DLC1: variants seen among roughly 807,000 people sequenced by gnomAD.
DLC1 encodes the protein rho GTPase-activating protein 7.
DLC1 carries 54 observed loss-of-function variants against 140.3 expected under a neutral mutation model. The observed-to-expected ratio is 0.38, with a 90% CI of 0.31 to 0.48. DLC1 has a LOEUF of 0.48. DLC1 is among the 20% of genes least tolerant of loss of function. The probability of loss-of-function intolerance (pLI) is 0.96; values close to 1 mark genes in which losing one functional copy is unlikely to be tolerated. For missense variants in DLC1, 2,536 were observed against 1,907.0 expected, an observed-to-expected ratio of 1.33 and a Z score of -6.14; for synonymous variants, 986 against 728.1, an observed-to-expected ratio of 1.35 and a Z score of -5.70.
intron 1 of DLC1, among the ~76,000 whole-genome samples, chr8:13,508,594 A>G (rs890786548): frequency 7.9e-5 from 12 of 151,616 alleles, no homozygotes; most frequent in African/African-American, 2.7e-4. Flanking sequence ...ATTTTTTTGT[A>G]TTTTTAGTAG....
At chr8:13,541,741 G>C (rs1300243732) in intron 1 of DLC1, among the ~76,000 whole-genome samples, 1 of 152,086 alleles carries the variant, frequency 6.6e-6, no homozygotes, top group African/African-American at 2.4e-5. Context: ...AGTAGAGATG[G>C]GGTTTCACCG....
chr8:13,517,246 T>C (rs973153669), upstream of DLC1, among the ~76,000 whole-genome samples: 2 of 152,176 alleles, frequency 1.3e-5, no homozygotes, highest in Admixed American at 1.3e-4. Flanking sequence ...ATCAGCATCA[T>C]GCTAATTCTT....
At chr8:13,548,888 G>A (rs1463617481) in intron 1 of DLC1, among the ~76,000 whole-genome samples, 4 of 151,974 alleles carry the variant, frequency 2.6e-5, no homozygotes, top group African/African-American at 9.7e-5. Flanking sequence ...ACTGCTCTGG[G>A]CTCCAGAAAA....
chr8:13,213,667 T>G (rs1376417505), intron 5 of DLC1, among the ~76,000 whole-genome samples: 1 of 152,234 alleles, frequency 6.6e-6, no homozygotes, highest in Non-Finnish European at 1.5e-5. Context: ...TCTCATCTTT[T>G]ATGTATCTTA....
At chr8:13,313,185 C>T (rs1240024176) in intron 4 of DLC1, among the ~76,000 whole-genome samples, 1 of 152,124 alleles carries the variant, frequency 6.6e-6, no homozygotes, top group African/African-American at 2.4e-5. Context: ...TCCTAGTATG[C>T]TCATTCTGTA....
At position 13,100,657 on chromosome 8, in the gene DLC1, T is replaced by C; in HGVS notation, c.1680A>G (p.Gln560=). Residue 560 remains glutamine, a synonymous_variant, in exon 9 of 18, where the codon CAA becomes CAG. Coordinates refer to ENST00000276297, the MANE Select transcript of DLC1 (RefSeq NM_182643.3). ...CGTCTGGGGACCCAGGGACCAGGTCTTGTTTTGGAGAAAAGACATCAAACT... is the reference window on the plus strand; with the variant it reads ...CGTCTGGGGACCCAGGGACCAGGTCCTGTTTTGGAGAAAAGACATCAAACT... The part of the protein sequence containing the change: ...LEEFDVFSPK[Q]DLVPGSPDDS... 3.7e-6 allele frequency: 6 copies of C among 1,614,162 alleles called. No individual in the cohort carries two copies. Among genetic ancestry groups the C allele is most frequent in the Non-Finnish European group, 4.2e-6 (5 of 1,180,024 alleles).
chr8:13,222,585 C>T (rs1383690812), intron 5 of DLC1, among the ~76,000 whole-genome samples: 1 of 152,178 alleles, frequency 6.6e-6, no homozygotes, highest in Non-Finnish European at 1.5e-5. Flanking sequence ...TAAGCATGAC[C>T]TGGTGATTCC....
At position 13,091,371 on chromosome 8, in the gene DLC1, C is replaced by T. The variant is rs775333892; in HGVS notation, c.3802G>A (p.Ala1268Thr). The T allele has an allele frequency of 4.3e-6, 7 of 1,614,088 alleles. No homozygotes were observed. In the Admixed American group the frequency reaches 1.0e-4, roughly 23 times the overall value. The change falls in exon 14 of 18, where the codon GCT becomes ACT. Residue 1268 changes from alanine (A) to threonine (T), a missense_variant. Transcript: ENST00000276297. The part of the protein sequence containing the change: ...PDQKDLNENL[A>T]ATQGLAHMIA... ...ATATGGGCCAGCCCTTGAGTGGCAG[C>T]TAGGTTTTCATTCAAATCTTTCTGA...
chr8:13,483,207 G>A (rs1800817283), intron 2 of DLC1, among the ~76,000 whole-genome samples: 1 of 152,132 alleles, frequency 6.6e-6, no homozygotes, highest in Admixed American at 6.5e-5. Flanking sequence ...TCTCTTGTAA[G>A]GACGCTTGTC....
intron 5 of DLC1, among the ~76,000 whole-genome samples, chr8:13,137,450 G>T (rs1867078): frequency 0.047 from 5,270 of 111,130 alleles, 218 homozygotes; most frequent in African/African-American, 0.14. Flanking sequence ...ACATCAAAAT[G>T]AAAACCTATC....
chr8:13,376,443 C>T (rs1835991000), intron 4 of DLC1, among the ~76,000 whole-genome samples: 1 of 152,142 alleles, frequency 6.6e-6, no homozygotes, highest in South Asian at 2.1e-4. Context: ...CCCGGAATCC[C>T]ACCCATCTAT....
chr8:13,115,487 A>G, intron 6 of DLC1, 99 bp downstream of exon 6: 1 of 1,143,612 alleles, frequency 8.7e-7, no homozygotes, highest in African/African-American at 1.6e-5. Flanking sequence ...TAAAACATTT[A>G]AACGATAAAA....
rs200082297 is a variant in DLC1 at position 13,551,074 on chromosome 8, A to T, written c.-125-50878T>A. Among the ~76,000 whole-genome samples, 7 of 10,752 alleles carry T rather than the reference A, an allele frequency of 6.5e-4. No homozygotes were observed. The East Asian group carries it at 0.037, about 56-fold the overall frequency. 7.1% of individuals were successfully genotyped at this position (10,752 alleles called of 152,430 possible). On this transcript the variant is annotated intron_variant, in intron 1 of 1. Transcript: ENST00000631382. ...CACACACACACACACACACACACAC[A>T]CTTTTTTTTTTTTTCCAAAGAACAC...
chr8:13,234,258 T>C (rs1383358941), intron 5 of DLC1, among the ~76,000 whole-genome samples: 1 of 152,170 alleles, frequency 6.6e-6, no homozygotes, highest in Admixed American at 6.5e-5. Flanking sequence ...CTTTGGATCA[T>C]GCTGTAGTTA....
intron 4 of DLC1, among the ~76,000 whole-genome samples, chr8:13,331,057 C>G (rs1833565818): frequency 6.6e-6 from 1 of 152,186 alleles, no homozygotes; most frequent in Admixed American, 6.5e-5. Flanking sequence ...TCACTACCTT[C>G]TTTATGATTC....
chr8:13,576,111 C>T (rs917998165), intron 1 of DLC1, among the ~76,000 whole-genome samples: 1 of 152,202 alleles, frequency 6.6e-6, no homozygotes, highest in African/African-American at 2.4e-5. Context: ...AGATCACACT[C>T]TTTATCAGAA....
At chr8:13,463,997 C>G (rs891238368) in intron 2 of DLC1, among the ~76,000 whole-genome samples, 1 of 152,118 alleles carries the variant, frequency 6.6e-6, no homozygotes, top group Admixed American at 6.5e-5. Flanking sequence ...AATTTGAGCA[C>G]AGTGAAAAGT....
chr8:13,538,472 C>G (rs1044126751), intron 1 of DLC1, among the ~76,000 whole-genome samples: 1 of 151,900 alleles, frequency 6.6e-6, no homozygotes, highest in Admixed American at 6.6e-5. Flanking sequence ...ACTTCGAAGA[C>G]GAGCAGATAT....
intron 1 of DLC1, among the ~76,000 whole-genome samples, chr8:13,528,693 T>A (rs373021741): frequency 4.9e-4 from 74 of 152,312 alleles, no homozygotes; most frequent in African/African-American, 1.6e-3. Context: ...CTTGCTGAGC[T>A]GCAAGTTTTT....
Sources: allele counts gnomAD v4.1 joint callset (sites outside exome capture counted in the v4.1 genomes callset), GRCh38; gene constraint gnomAD v4.1.1; transcripts MANE v1.5; gene names NCBI Gene and HGNC (gene_info 2026-07-23, HGNC 2026-07-21).